The following DOCK4 variants were observed in gnomAD, a reference collection of about 807,000 sequenced individuals.
DOCK4 encodes dedicator of cytokinesis 4.
Under a neutral mutation model 268.1 loss-of-function variants are expected in DOCK4, and 97 were observed. The observed-to-expected ratio is 0.36, with a 90% CI of 0.31 to 0.43. The LOEUF (loss-of-function observed/expected upper bound fraction) is 0.43, where lower values mean the gene tolerates loss of function less well. DOCK4 is among the 20% of genes least tolerant of loss of function. The pLI, the probability that DOCK4 is intolerant of heterozygous loss-of-function variation, is 1.00. For synonymous variants in DOCK4, 954 were observed against 887.2 expected (o/e 1.08, Z -1.34); for missense variants, 2,145 against 2,455.7 (o/e 0.87, Z 2.67).
intron 30 of DOCK4, among the ~76,000 whole-genome samples, chr7:111,803,781 T>A (rs538585980): frequency 3.3e-5 from 5 of 152,316 alleles, no homozygotes; most frequent in Non-Finnish European, 7.4e-5. Flanking sequence ...TTTTAGTCCT[T>A]CAACTTAGAA....
intron 1 of DOCK4, among the ~76,000 whole-genome samples, chr7:112,006,630 G>A (rs1373634069): frequency 6.6e-6 from 1 of 152,178 alleles, no homozygotes. Flanking sequence ...ATAAAACAAA[G>A]GAGCTAGACA....
At chr7:111,810,901 C>T (rs1028942682) in intron 28 of DOCK4, among the ~76,000 whole-genome samples, 2 of 152,094 alleles carry the variant, frequency 1.3e-5, no homozygotes, top group African/African-American at 4.8e-5. Context: ...ATTCTAGAGG[C>T]TGAGGCAAGA....
chr7:111,858,844 T>C (rs905859319), intron 23 of DOCK4, among the ~76,000 whole-genome samples: 2 of 143,174 alleles, frequency 1.4e-5, no homozygotes, highest in African/African-American at 2.6e-5. Flanking sequence ...CCTTCCTCCA[T>C]GTATAGACAC....
intron 1 of DOCK4, among the ~76,000 whole-genome samples, chr7:112,152,199 G>A (rs1018196680): frequency 1.3e-5 from 2 of 152,058 alleles, no homozygotes; most frequent in East Asian, 1.9e-4. Flanking sequence ...ACTATGTAAC[G>A]AGCTCAGAAA....
At position 112,049,658 on chromosome 7, in the gene DOCK4, A is replaced by G. The variant is rs146198498; in HGVS notation, c.38-45527T>C. 1.8e-3 allele frequency among the ~76,000 whole-genome samples: 273 copies of G among 152,304 alleles called. 1 individual carries two copies. Among genetic ancestry groups the G allele is most frequent in the Admixed American group, 4.5e-3 (69 of 15,282 alleles). On this transcript the variant is annotated intron_variant, in intron 1 of 52. Coordinates refer to ENST00000428084, the MANE Select transcript of DOCK4 (RefSeq NM_001363540.2). ...TGTCTACAAGGAAAGCACTTCACAT[A>G]TAAAGGCACAAGTTAACATGCTAAC...
intron 1 of DOCK4, among the ~76,000 whole-genome samples, chr7:112,026,430 T>TA (rs1802793635): frequency 1.3e-5 from 2 of 152,156 alleles, no homozygotes; most frequent in African/African-American, 4.8e-5. Context: ...GTGGAAAAAT[T>TA]GTCTTCCATG....
intron 16 of DOCK4, among the ~76,000 whole-genome samples, chr7:111,883,086 A>G (rs761449030): frequency 2.6e-5 from 4 of 152,302 alleles, no homozygotes; most frequent in South Asian, 2.1e-4. Context: ...TGCTTTTACT[A>G]CTGCAAAGTA....
intron 8 of DOCK4, among the ~76,000 whole-genome samples, chr7:111,950,300 A>G (rs1383285608): frequency 6.6e-6 from 1 of 152,234 alleles, no homozygotes; most frequent in Non-Finnish European, 1.5e-5. Context: ...CCACACAGAA[A>G]TATGTTTTTG....
chr7:111,994,027 C>A (rs975472118), intron 5 of DOCK4, 108 bp downstream of exon 5: 23 of 612,776 alleles, frequency 3.8e-5, no homozygotes, highest in Non-Finnish European at 5.7e-5. Flanking sequence ...CCCAAGGAGT[C>A]CTGGAGACTT....
intron 42 of DOCK4, among the ~76,000 whole-genome samples, chr7:111,751,616 T>G (rs1444244086): frequency 6.6e-6 from 1 of 152,166 alleles, no homozygotes; most frequent in East Asian, 1.9e-4. Flanking sequence ...AGCTACTTTT[T>G]GTATTTTTTG....
At chr7:112,188,082 A>G (rs1445928258) in intron 1 of DOCK4, among the ~76,000 whole-genome samples, 1 of 152,228 alleles carries the variant, frequency 6.6e-6, no homozygotes, top group African/African-American at 2.4e-5. Flanking sequence ...ATATTTATCA[A>G]ATACTTACCA....
At position 111,777,862 on chromosome 7, in the gene DOCK4, A is replaced by G. The variant is rs567650311; in HGVS notation, c.3679+414T>C. 3.3e-5 allele frequency among the ~76,000 whole-genome samples: 5 copies of G among 152,292 alleles called. No individual in the cohort carries two copies. In the East Asian group the frequency reaches 9.7e-4, roughly 29 times the overall value. ...TAAGATGTGTCTTTTGCCTTTCACC[A>G]TGATTGTGAGGCCTCCCCAGCCACG... On this transcript the variant is annotated intron_variant, in intron 36 of 52. Coordinates refer to ENST00000428084, the MANE Select transcript of DOCK4 (RefSeq NM_001363540.2).
Position 111,959,787 on chromosome 7 carries a change from T to C in DOCK4, c.702-13989A>G, listed in dbSNP as rs574155146. ...GAAGCTATGATGGTAACTTCTTAGATTTTCCTTGTGACACAGAATTCTCAA... is the reference window on the plus strand; with the variant it reads ...GAAGCTATGATGGTAACTTCTTAGACTTTCCTTGTGACACAGAATTCTCAA... On this transcript the variant is annotated intron_variant, in intron 8 of 52. Transcript: ENST00000428084. 2.0e-5 allele frequency among the ~76,000 whole-genome samples: 3 copies of C among 152,302 alleles called. No homozygotes were observed. The South Asian group carries it at 6.2e-4, about 32-fold the overall frequency.
chr7:112,058,101 C>G (rs115556343), intron 1 of DOCK4, among the ~76,000 whole-genome samples: 2 of 131,406 alleles, frequency 1.5e-5, no homozygotes, highest in African/African-American at 5.6e-5. Flanking sequence ...GGTGTAAAGT[C>G]AAAATGTTTG....
intron 1 of DOCK4, among the ~76,000 whole-genome samples, chr7:112,048,179 T>C (rs2135538561): frequency 6.6e-6 from 1 of 152,084 alleles, no homozygotes; most frequent in East Asian, 1.9e-4. Context: ...ATGAAGCACA[T>C]GCATAAGAAA....
At chr7:112,058,195 A>G (rs1356721885) in intron 1 of DOCK4, among the ~76,000 whole-genome samples, 2 of 152,012 alleles carry the variant, frequency 1.3e-5, no homozygotes, top group African/African-American at 4.8e-5. Context: ...ATTCTGCCCT[A>G]TTTTTATTCG....
intron 1 of DOCK4, among the ~76,000 whole-genome samples, chr7:112,127,826 T>A (rs866090275): frequency 3.9e-5 from 6 of 152,218 alleles, no homozygotes; most frequent in Middle Eastern, 3.4e-3. Flanking sequence ...GTCAAGAGTT[T>A]GAGACTAGCC....
intron 1 of DOCK4, among the ~76,000 whole-genome samples, chr7:112,084,986 G>A (rs1255457412): frequency 3.3e-5 from 5 of 152,060 alleles, no homozygotes; most frequent in Non-Finnish European, 5.9e-5. Context: ...CTTGGAAGTG[G>A]TCAAGCAGGA....
At chr7:112,036,052 A>G (rs563449303) in intron 1 of DOCK4, among the ~76,000 whole-genome samples, 23 of 152,174 alleles carry the variant, frequency 1.5e-4, no homozygotes, top group Non-Finnish European at 2.9e-4. Context: ...TATCTTCACA[A>G]TAATATTCAG....
Sources: gnomAD v4.1 joint callset for allele counts (sites outside exome capture counted in the v4.1 genomes callset) on GRCh38, gnomAD v4.1.1 for gene constraint, MANE v1.5 for transcripts, NCBI Gene and HGNC (gene_info 2026-07-23, HGNC 2026-07-21) for gene names.